Variants in SEC23A observed in about 807,000 individuals in gnomAD.
SEC23A encodes the protein SEC23 homolog A, COPII component.
In SEC23A, 56 loss-of-function variants were observed where a neutral mutation model predicts 103.7. The observed-to-expected ratio is 0.54, with a 90% CI of 0.44 to 0.67. The LOEUF (loss-of-function observed/expected upper bound fraction) is 0.67, where lower values mean the gene tolerates loss of function less well. Ranked by LOEUF, SEC23A falls within the 30% of genes least tolerant of loss-of-function variation. The pLI is 0.00. For missense variants in SEC23A, 784 were observed against 936.4 expected, an observed-to-expected ratio of 0.84 and a Z score of 2.12; for synonymous variants, 281 against 293.0, an observed-to-expected ratio of 0.96 and a Z score of 0.42.
chr14:39,075,846 T>G, intron 8 of SEC23A, 89 bp downstream of exon 8: 1 of 1,130,024 alleles, frequency 8.8e-7, no homozygotes, highest in Non-Finnish European at 1.3e-6. Context: ...TAATACCAAT[T>G]TCTATCAAAA....
chr14:39,095,088 G>T, intron 2 of SEC23A: 1 of 670,212 alleles, frequency 1.5e-6, no homozygotes, highest in Non-Finnish European at 2.7e-6. Flanking sequence ...AAAGACTGTG[G>T]TATCTTGAAG....
intron 15 of SEC23A, among the ~76,000 whole-genome samples, chr14:39,045,979 G>C (rs1223125844): frequency 6.6e-6 from 1 of 152,184 alleles, no homozygotes; most frequent in Non-Finnish European, 1.5e-5. Context: ...CAGATGGAGG[G>C]AACTGAATCA....
chr14:39,073,433 C>T (rs144366778), intron 9 of SEC23A, among the ~76,000 whole-genome samples: 2,582 of 152,030 alleles, frequency 0.017, 32 homozygotes, highest in Non-Finnish European at 0.027. Flanking sequence ...GCTGGGATTA[C>T]AGCCACGTGC....
intron 1 of SEC23A, among the ~76,000 whole-genome samples, chr14:39,096,742 G>A (rs998699538): frequency 2.6e-5 from 4 of 152,022 alleles, no homozygotes; most frequent in Non-Finnish European, 4.4e-5. Flanking sequence ...AAAATAGGGG[G>A]AAAACCTAGA....
intron 14 of SEC23A, among the ~76,000 whole-genome samples, chr14:39,049,683 T>G (rs1007522328): frequency 1.3e-5 from 2 of 151,628 alleles, no homozygotes; most frequent in Non-Finnish European, 2.9e-5. Context: ...GAGGCTATGG[T>G]AGGAGGATTG....
At position 39,032,672 on chromosome 14, in the gene SEC23A, A is replaced by G. The variant is rs1885340175; in HGVS notation, c.*567T>C. ...ACTATCTTTCCAAATAACCAAAAACATTATCATCATGAAAATTACCATTAT... is the reference window on the plus strand; with the variant it reads ...ACTATCTTTCCAAATAACCAAAAACGTTATCATCATGAAAATTACCATTAT... On this transcript the variant is annotated 3_prime_UTR_variant, in exon 20 of 20. Coordinates refer to ENST00000307712, the MANE Select transcript of SEC23A (RefSeq NM_006364.4). The G allele has an allele frequency of 6.5e-6, 1 of 152,680 alleles. No individual in the cohort carries two copies. The highest frequency in any genetic ancestry group is 2.4e-5 in the African/African-American group (1 of 41,468). The allele number at this position is 152,680 out of a possible 1,614,324, so 9.5% of individuals were successfully genotyped here.
intron 11 of SEC23A, among the ~76,000 whole-genome samples, chr14:39,064,323 A>G (rs1022287910): frequency 2.0e-5 from 3 of 152,228 alleles, no homozygotes; most frequent in Admixed American, 1.3e-4. Context: ...ATTTTAGAGT[A>G]CGTTATACTT....
chr14:39,051,827 G>T (rs1163740147), intron 14 of SEC23A, among the ~76,000 whole-genome samples: 1 of 152,078 alleles, frequency 6.6e-6, no homozygotes, highest in Non-Finnish European at 1.5e-5. Flanking sequence ...AATCACCTGG[G>T]TGTGGTGGCA....
intron 7 of SEC23A, among the ~76,000 whole-genome samples, chr14:39,080,179 C>G (rs980532501): frequency 6.6e-6 from 1 of 152,190 alleles, no homozygotes; most frequent in East Asian, 1.9e-4. Flanking sequence ...CTCTCATGCT[C>G]TCATTGCAAT....
intron 16 of SEC23A, among the ~76,000 whole-genome samples, chr14:39,043,742 T>C (rs1377610723): frequency 2.0e-5 from 3 of 151,904 alleles, no homozygotes; most frequent in Admixed American, 2.0e-4. Flanking sequence ...ACCAGGAAGG[T>C]ATAGGTGTCA....
intron 18 of SEC23A, chr14:39,039,732 C>T (rs1885574497): frequency 6.6e-6 from 1 of 152,488 alleles, no homozygotes; most frequent in African/African-American, 2.4e-5. Flanking sequence ...TCTAAGGAAT[C>T]AGTTTAACCT....
chr14:39,055,032 A>G lies in SEC23A; in HGVS notation c.1659+111T>C, dbSNP rs889955104. 4 of 1,244,216 alleles carry G rather than the reference A, an allele frequency of 3.2e-6. No individual in the cohort carries two copies. In the African/African-American group the frequency reaches 5.9e-5, roughly 18 times the overall value. 77.1% of individuals were successfully genotyped at this position (1,244,216 alleles called of 1,614,324 possible). ...TCAGTAATTTGAATAGGAGTTTCTC[A>G]TACAGTATTTCAGATACACTGTTAA... On this transcript the variant is annotated intron_variant, in intron 14 of 19. Coordinates refer to ENST00000307712, the MANE Select transcript of SEC23A (RefSeq NM_006364.4).
intron 7 of SEC23A, among the ~76,000 whole-genome samples, chr14:39,081,036 C>A (rs1437995006): frequency 1.3e-5 from 2 of 151,984 alleles, no homozygotes; most frequent in African/African-American, 2.4e-5. Context: ...AAGACTCTGT[C>A]TCTACAAATT....
intron 3 of SEC23A, 132 bp from the exon 4 acceptor site, chr14:39,092,759 T>A: frequency 1.6e-6 from 1 of 628,986 alleles, no homozygotes; most frequent in South Asian, 2.1e-5. Context: ...GAAATAATTA[T>A]TTGTATCTTT....
chr14:39,039,326 C>T (rs1885560952), intron 18 of SEC23A: 5 of 493,104 alleles, frequency 1.0e-5, no homozygotes, highest in Non-Finnish European at 1.8e-5. Context: ...ATAACAAATA[C>T]ATTGTTGAGT....
At chr14:39,064,372 T>G (rs533735228) in intron 11 of SEC23A, among the ~76,000 whole-genome samples, 1 of 152,322 alleles carries the variant, frequency 6.6e-6, no homozygotes, top group Admixed American at 6.5e-5. Flanking sequence ...GAACTGAAAT[T>G]CCAAATCTGG....
intron 17 of SEC23A, among the ~76,000 whole-genome samples, 182 bp downstream of exon 17, chr14:39,042,604 G>C (rs1885683348): frequency 6.6e-6 from 1 of 152,170 alleles, no homozygotes; most frequent in African/African-American, 2.4e-5. Context: ...ATAATCACAT[G>C]TGGGTCAACT....
chr14:39,069,524 A>C (rs1398583538), intron 9 of SEC23A, among the ~76,000 whole-genome samples: 2 of 151,982 alleles, frequency 1.3e-5, no homozygotes, highest in African/African-American at 4.8e-5. Context: ...CAGTGATGCG[A>C]TCATGGCTCA....
chr14:39,091,002 C>G (rs1594482441), intron 5 of SEC23A: 1 of 372,560 alleles, frequency 2.7e-6, no homozygotes, highest in East Asian at 7.8e-5. Context: ...GTCCTGCCCC[C>G]ACCACCACTG....
Sources: allele counts gnomAD v4.1 joint callset (sites outside exome capture counted in the v4.1 genomes callset), GRCh38; gene constraint gnomAD v4.1.1; transcripts MANE v1.5; gene names NCBI Gene and HGNC (gene_info 2026-07-23, HGNC 2026-07-21).